Variants in PDZRN3 observed in about 807,000 individuals in gnomAD.
The protein encoded by PDZRN3 is PDZ domain containing ring finger 3.
A neutral mutation model predicts 85.7 loss-of-function variants in PDZRN3; 38 were observed. The ratio of observed to expected loss-of-function variants is 0.44; its 90% CI spans 0.34 to 0.58. PDZRN3 has a LOEUF of 0.58. PDZRN3 is among the 20% of genes least tolerant of loss of function. PDZRN3 has a pLI of 0.01. For synonymous variants in PDZRN3, 759 were observed against 638.0 expected (o/e 1.19, Z -2.86); for missense variants, 1,629 against 1,506.4 (o/e 1.08, Z -1.35).
intron 3 of PDZRN3, among the ~76,000 whole-genome samples, chr3:73,545,543 C>T (rs765475114): frequency 1.3e-5 from 2 of 152,158 alleles, no homozygotes; most frequent in African/African-American, 4.8e-5. Flanking sequence ...TTACTGAGCA[C>T]TTACTACACA....
intron 3 of PDZRN3, among the ~76,000 whole-genome samples, chr3:73,469,682 C>A (rs147030475): frequency 6.6e-6 from 1 of 152,174 alleles, no homozygotes; most frequent in Non-Finnish European, 1.5e-5. Context: ...ACTCATCAAA[C>A]GCTTATTGAC....
intron 3 of PDZRN3, among the ~76,000 whole-genome samples, chr3:73,445,869 G>A (rs1702738728): frequency 6.6e-6 from 1 of 152,228 alleles, no homozygotes; most frequent in African/African-American, 2.4e-5. Flanking sequence ...GAGCCCAGGG[G>A]CAGGGAAAAT....
At chr3:73,410,654 ACT>A (rs1205365866) in intron 3 of PDZRN3, among the ~76,000 whole-genome samples, 1 of 152,200 alleles carries the variant, frequency 6.6e-6, no homozygotes, top group Non-Finnish European at 1.5e-5. Flanking sequence ...AAAATTCTTT[ACT>A]GTTTTCCTAA....
chr3:73,598,139 G>C (rs1230209131), intron 3 of PDZRN3, among the ~76,000 whole-genome samples: 3 of 152,090 alleles, frequency 2.0e-5, no homozygotes, highest in Non-Finnish European at 2.9e-5. Context: ...TTGTGGATGA[G>C]GAAATCTGCC....
At chr3:73,435,861 C>A (rs1702521164) in intron 3 of PDZRN3, among the ~76,000 whole-genome samples, 1 of 152,182 alleles carries the variant, frequency 6.6e-6, no homozygotes, top group Admixed American at 6.5e-5. Flanking sequence ...CACTTCCCAT[C>A]ACTCTTGGAT....
chr3:73,500,067 C>T (rs1436660454), intron 3 of PDZRN3, among the ~76,000 whole-genome samples: 2 of 152,114 alleles, frequency 1.3e-5, no homozygotes, highest in Non-Finnish European at 2.9e-5. Flanking sequence ...TTTTTTCCCC[C>T]ACCTTCTAGA....
chr3:73,574,289 G>C (rs1332019124), intron 3 of PDZRN3, among the ~76,000 whole-genome samples: 1 of 152,172 alleles, frequency 6.6e-6, no homozygotes, highest in Non-Finnish European at 1.5e-5. Context: ...ACCATCAAGA[G>C]AACTTGCCCT....
At chr3:73,507,039 T>C (rs1187068078) in intron 3 of PDZRN3, among the ~76,000 whole-genome samples, 1 of 152,240 alleles carries the variant, frequency 6.6e-6, no homozygotes, top group Non-Finnish European at 1.5e-5. Flanking sequence ...TTAAAAGCCC[T>C]GAGGCTGAAA....
At chr3:73,496,984 G>A (rs1394314329) in intron 3 of PDZRN3, among the ~76,000 whole-genome samples, 1 of 152,208 alleles carries the variant, frequency 6.6e-6, no homozygotes, top group Non-Finnish European at 1.5e-5. Context: ...TCGCACGTGT[G>A]CTGATGTGGT....
intron 3 of PDZRN3, among the ~76,000 whole-genome samples, chr3:73,437,358 T>C (rs1702549979): frequency 6.6e-6 from 1 of 152,222 alleles, no homozygotes; most frequent in South Asian, 2.1e-4. Context: ...GCTTGTGATA[T>C]GTCATGTAAC....
intron 3 of PDZRN3, among the ~76,000 whole-genome samples, chr3:73,531,245 C>T (rs375956576): frequency 1.8e-5 from 2 of 109,462 alleles, no homozygotes; most frequent in East Asian, 2.4e-4. Context: ...AGCGAGACTT[C>T]GTCTCAAAAA....
chr3:73,443,479 C>CTTTTT (rs768320565), intron 3 of PDZRN3, among the ~76,000 whole-genome samples: 515 of 47,978 alleles, frequency 0.011, 11 homozygotes, highest in African/African-American at 0.025. Context: ...TTTCCTTTTT[C>CTTTTT]TTTTTTTTTT....
At chr3:73,505,333 TAA>T (rs1377136482) in intron 3 of PDZRN3, among the ~76,000 whole-genome samples, 1 of 152,160 alleles carries the variant, frequency 6.6e-6, no homozygotes, top group African/African-American at 2.4e-5. Context: ...GGCACAGAAT[TAA>T]AAGTCATAGA....
In PDZRN3 at chr3:73,404,297, T is replaced by A; in HGVS notation, c.1017A>T (p.Thr339=). 6.2e-7 allele frequency: 1 copy of A among 1,614,176 alleles called. No individual in the cohort carries two copies. Among genetic ancestry groups the A allele is most frequent in the African/African-American group, 1.3e-5 (1 of 75,030 alleles). Residue 339 remains threonine, a synonymous_variant, in exon 4 of 10, where the codon ACA becomes ACT. Coordinates refer to ENST00000263666, the MANE Select transcript of PDZRN3 (RefSeq NM_015009.3). ...EPIVVQVLRR[T]PRTKMFTPPS... ...GAGGCGTGAACATTTTGGTCCTTGG[T>A]GTTCTTCTCAACACCTGCACCACTA...
intron 3 of PDZRN3, among the ~76,000 whole-genome samples, chr3:73,574,800 G>A (rs1278351189): frequency 6.6e-6 from 1 of 152,196 alleles, no homozygotes; most frequent in East Asian, 1.9e-4. Context: ...AAGATAAGAA[G>A]GTGCTTTTTA....
chr3:73,477,683 A>G (rs1469478174), intron 3 of PDZRN3, among the ~76,000 whole-genome samples: 2 of 152,238 alleles, frequency 1.3e-5, no homozygotes, highest in Non-Finnish European at 2.9e-5. Flanking sequence ...AACTGGCTAG[A>G]TGCTGCCATG....
At chr3:73,388,797 T>C (rs565468084) in intron 7 of PDZRN3, among the ~76,000 whole-genome samples, 1 of 151,800 alleles carries the variant, frequency 6.6e-6, no homozygotes, top group African/African-American at 2.4e-5. Flanking sequence ...TTGCCCTCAA[T>C]TACCAAGGAA....
intron 3 of PDZRN3, among the ~76,000 whole-genome samples, chr3:73,561,089 C>T (rs948486456): frequency 6.6e-6 from 1 of 152,196 alleles, no homozygotes; most frequent in Non-Finnish European, 1.5e-5. Context: ...AAACTTTACA[C>T]ACATGACTTT....
chr3:73,573,351 G>A (rs1018764600), intron 3 of PDZRN3, among the ~76,000 whole-genome samples: 1 of 152,164 alleles, frequency 6.6e-6, no homozygotes, highest in Non-Finnish European at 1.5e-5. Flanking sequence ...CAAAGTGAGG[G>A]GCAAAGTGTC....
Sources: gnomAD v4.1 joint callset for allele counts (sites outside exome capture counted in the v4.1 genomes callset) on GRCh38, gnomAD v4.1.1 for gene constraint, MANE v1.5 for transcripts, NCBI Gene and HGNC (gene_info 2026-07-23, HGNC 2026-07-21) for gene names.